The following TTLL5 variants were observed in gnomAD, a reference collection of about 807,000 sequenced individuals.
TTLL5 encodes the protein tubulin tyrosine ligase like 5.
TTLL5 carries 132 observed loss-of-function variants against 168.4 expected under a neutral mutation model. That is an observed-to-expected ratio of 0.78 (90% CI 0.68 to 0.91). The LOEUF is 0.91. Ranked by LOEUF, TTLL5 falls within the 40% of genes least tolerant of loss-of-function variation. TTLL5 has a pLI of 0.00. For synonymous variants in TTLL5, 546 were observed against 558.6 expected (o/e 0.98, Z 0.32); for missense variants, 1,545 against 1,581.5 (o/e 0.98, Z 0.39).
Position 75,707,645 on chromosome 14 carries a change from C to G in TTLL5, c.678C>G (p.Leu226=). Residue 226 remains leucine (L), a synonymous_variant, in exon 9 of 32, where the codon CTC becomes CTG. Coordinates refer to ENST00000298832, the MANE Select transcript of TTLL5 (RefSeq NM_015072.5). ...LIDDFKFDVR[L]YVLVTSYDPL... is the part of the protein sequence containing the mutation. ...TAGATTTCAAGTTTGACGTGCGCCTCTATGTGCTCGTGACTTCCTATGATC... is the reference window on the plus strand; with the variant it reads ...TAGATTTCAAGTTTGACGTGCGCCTGTATGTGCTCGTGACTTCCTATGATC... 6.2e-7 allele frequency: 1 copy of G among 1,607,944 alleles called. No homozygotes were observed.
intron 31 of TTLL5, among the ~76,000 whole-genome samples, chr14:75,951,397 A>G (rs2034956328): frequency 6.6e-6 from 1 of 152,190 alleles, no homozygotes; most frequent in African/African-American, 2.4e-5. Context: ...TGTTAAGTAC[A>G]TGTCTAAATA....
At chr14:75,809,472 G>A (rs984049103) in intron 27 of TTLL5, among the ~76,000 whole-genome samples, 1 of 151,970 alleles carries the variant, frequency 6.6e-6, no homozygotes, top group Admixed American at 6.6e-5. Flanking sequence ...TATTTTGGGG[G>A]GTACATATGA....
chr14:75,815,608 A>G (rs1894347851), intron 27 of TTLL5, among the ~76,000 whole-genome samples: 1 of 152,212 alleles, frequency 6.6e-6, no homozygotes, highest in South Asian at 2.1e-4. Context: ...GGGAAGTAAA[A>G]TCAAAGGGAA....
intron 31 of TTLL5, among the ~76,000 whole-genome samples, chr14:75,903,515 C>T (rs1005355061): frequency 6.6e-6 from 1 of 151,778 alleles, no homozygotes; most frequent in African/African-American, 2.4e-5. Context: ...GCCCTGACAG[C>T]AATAAGGAGC....
chr14:75,798,478 C>G (rs749244818), intron 27 of TTLL5, among the ~76,000 whole-genome samples: 8 of 151,036 alleles, frequency 5.3e-5, no homozygotes, highest in South Asian at 2.1e-4. Flanking sequence ...ATGCTCTGAT[C>G]TTTGTTATTT....
Position 75,699,241 on chromosome 14 carries a change from A to G in TTLL5, c.556A>G (p.Arg186Gly). The G allele has an allele frequency of 6.2e-7, 1 of 1,613,988 alleles. No individual in the cohort carries two copies. The highest frequency in any genetic ancestry group is 8.5e-7 in the Non-Finnish European group (1 of 1,179,942). ...GATAGTAAAACCAGTGGCATCTTCA[A>G]GGGGGCGGGGCGTCTACCTGATCAA... ...PWIVKPVASS[R>G]GRGVYLINNP... The change falls in exon 7 of 32, where the codon AGG becomes GGG. Residue 186 changes from arginine (R) to glycine (G), a missense_variant. Coordinates refer to ENST00000298832, the MANE Select transcript of TTLL5 (RefSeq NM_015072.5).
At chr14:75,819,814 C>T (rs1894727578) in intron 27 of TTLL5, among the ~76,000 whole-genome samples, 193 bp from the exon 28 acceptor site, 1 of 152,216 alleles carries the variant, frequency 6.6e-6, no homozygotes. Flanking sequence ...TTAACTTACA[C>T]TGACACTGAC....
At chr14:75,679,548 C>G (rs1445926113) in intron 3 of TTLL5, among the ~76,000 whole-genome samples, 1 of 152,104 alleles carries the variant, frequency 6.6e-6, no homozygotes, top group African/African-American at 2.4e-5. Context: ...ACCAATATTC[C>G]CTCTCGACTC....
At chr14:75,823,725 CT>C (rs927140214) in intron 28 of TTLL5, among the ~76,000 whole-genome samples, 1 of 152,130 alleles carries the variant, frequency 6.6e-6, no homozygotes, top group Non-Finnish European at 1.5e-5. Context: ...TTTGTTCCTA[CT>C]TTTTTGTGAT....
intron 29 of TTLL5, among the ~76,000 whole-genome samples, chr14:75,873,753 A>G (rs562747696): frequency 6.6e-6 from 1 of 152,108 alleles, no homozygotes; most frequent in South Asian, 2.1e-4. Flanking sequence ...CATCTTGGCT[A>G]TTGTGAATAA....
chr14:75,907,095 C>G (rs2033177052), intron 31 of TTLL5, among the ~76,000 whole-genome samples: 1 of 152,128 alleles, frequency 6.6e-6, no homozygotes, highest in Admixed American at 6.5e-5. Flanking sequence ...GGCTTTTAGA[C>G]TAGAATTTAT....
In TTLL5 at chr14:75,783,162, C is replaced by T. The variant is rs966643967; in HGVS notation, c.2618C>T (p.Ala873Val). The change falls in exon 26 of 32, where the codon GCA (alanine) becomes GTA (valine). Residue 873 changes from alanine (A) to valine (V), a missense_variant. Coordinates refer to ENST00000298832, the MANE Select transcript of TTLL5 (RefSeq NM_015072.5). ...TTTTTAATAGGATTTACCACTTCAGCAGAAAAAGAGGCAAAATTAGTTTAT... is the reference window on the plus strand; with the variant it reads ...TTTTTAATAGGATTTACCACTTCAGTAGAAAAAGAGGCAAAATTAGTTTAT... ...SDKLSRFTTS[A>V]EKEAKLVYSN... 7 of 1,609,264 alleles carry T rather than the reference C, an allele frequency of 4.3e-6. No homozygotes were observed. The Admixed American group carries it at 8.3e-5, about 19-fold the overall frequency.
At chr14:75,945,330 C>T (rs894272074) in intron 31 of TTLL5, among the ~76,000 whole-genome samples, 1 of 151,326 alleles carries the variant, frequency 6.6e-6, no homozygotes, top group Non-Finnish European at 1.5e-5. Context: ...GATCTTGGCT[C>T]GCTGCAACCT....
In TTLL5 at chr14:75,882,707, T is replaced by C; in HGVS notation, c.3545T>C (p.Leu1182Pro). 6.2e-7 allele frequency: 1 copy of C among 1,612,908 alleles called. No individual in the cohort carries two copies. The highest frequency in any genetic ancestry group is 8.5e-7 in the Non-Finnish European group (1 of 1,179,364). ...RHQAIFGSQT[L>P]PNSNLWTMNN... Reference sequence around the variant, plus strand: ...TAGGCAATCTTTGGCAGCCAGACACTACCTAACTCCAATTTATGGACAATG... The same window carrying C: ...TAGGCAATCTTTGGCAGCCAGACACCACCTAACTCCAATTTATGGACAATG... The change falls in exon 30 of 32, where the codon CTA becomes CCA. Residue 1182 changes from leucine (L) to proline (P), a missense_variant. By Grantham distance (98) the Leu-to-Pro change is moderately conservative. Coordinates refer to ENST00000298832, the MANE Select transcript of TTLL5 (RefSeq NM_015072.5).
intron 7 of TTLL5, among the ~76,000 whole-genome samples, chr14:75,704,964 G>A (rs1431952910): frequency 6.6e-6 from 1 of 152,242 alleles, no homozygotes; most frequent in Non-Finnish European, 1.5e-5. Flanking sequence ...ATTCTCTGCT[G>A]TGGAGAAAAG....
chr14:75,746,030 A>G (rs1283858736), intron 17 of TTLL5, among the ~76,000 whole-genome samples: 1 of 152,208 alleles, frequency 6.6e-6, no homozygotes, highest in African/African-American at 2.4e-5. Context: ...AAGATATAAA[A>G]TATTTCCATC....
chr14:75,746,561 T>TC (rs1417531360), intron 17 of TTLL5, among the ~76,000 whole-genome samples: 2 of 149,498 alleles, frequency 1.3e-5, no homozygotes, highest in Middle Eastern at 3.5e-3. Context: ...TCTTTTCTTT[T>TC]TTTTTTTTTT....
At chr14:75,904,355 C>A in intron 31 of TTLL5, 1 of 750,198 alleles carries the variant, frequency 1.3e-6, no homozygotes, top group Non-Finnish European at 1.7e-6. Flanking sequence ...CTGTGAGATA[C>A]CCTATGAGAA....
intron 9 of TTLL5, among the ~76,000 whole-genome samples, chr14:75,708,668 ATTAAGT>A (rs1886826165): frequency 6.6e-6 from 1 of 152,120 alleles, no homozygotes. Flanking sequence ...GACTTACAAG[ATTAAGT>A]TCAAGTTGTT....
Sources: allele counts gnomAD v4.1 joint callset (sites outside exome capture counted in the v4.1 genomes callset), GRCh38; gene constraint gnomAD v4.1.1; transcripts MANE v1.5; gene names NCBI Gene and HGNC (gene_info 2026-07-23, HGNC 2026-07-21).